The following LMOD1 variants were observed in gnomAD, a reference collection of about 807,000 sequenced individuals.
LMOD1 encodes leiomodin 1.
LMOD1 carries 8 observed loss-of-function variants against 36.5 expected under a neutral mutation model. The observed-to-expected ratio is 0.22, with a 90% CI of 0.13 to 0.40. The LOEUF is 0.40. Among genes scored for constraint, LMOD1 ranks in the 10% least tolerant of loss-of-function variants. The pLI, the probability that LMOD1 is intolerant of heterozygous loss-of-function variation, is 1.00. For missense variants in LMOD1, 630 were observed against 751.1 expected (o/e 0.84, Z 1.88); for synonymous variants, 284 against 288.7 (o/e 0.98, Z 0.17).
Position 201,899,718 on chromosome 1 carries a change from T to C in LMOD1, c.1295A>G (p.Lys432Arg). The C allele has an allele frequency of 6.2e-7, 1 of 1,614,040 alleles. No homozygotes were observed. Among genetic ancestry groups the C allele is most frequent in the Non-Finnish European group, 8.5e-7 (1 of 1,179,898 alleles). The change falls in exon 2 of 3, where the codon AAG becomes AGG. Residue 432 changes from lysine (K) to arginine (R), a missense_variant. Lys to Arg is a conservative substitution (Grantham distance 26). This residue lies in a region of LMOD1 where 81 missense variants were observed against 180.6 expected (regional missense o/e 0.45). Transcript: ENST00000367288. The surrounding 1 kb of genome is among the most constrained non-coding windows in gnomAD (Gnocchi z 6.3). ...CAGCTTGGCGATCTCCATCTCCGTC[T>C]TGCCTCCACAGATGTGTCGCTGGTT... is the stretch of plus-strand genomic sequence containing the variant. ...FHNQRHICGGKTEMEIAKLLK... is the reference protein window; with the variant it reads ...FHNQRHICGGRTEMEIAKLLK...
At chr1:201,921,756 C>G (rs558378376) in intron 1 of LMOD1, among the ~76,000 whole-genome samples, 2 of 151,680 alleles carry the variant, frequency 1.3e-5, no homozygotes, top group South Asian at 2.1e-4. Flanking sequence ...GTCAGGAGAT[C>G]GAGACCATCC....
chr1:201,938,586 C>CA (rs1252365029), intron 1 of LMOD1, among the ~76,000 whole-genome samples: 1 of 152,176 alleles, frequency 6.6e-6, no homozygotes, highest in Non-Finnish European at 1.5e-5. Flanking sequence ...AGTCTGCACT[C>CA]AGAGCTTCCC....
chr1:201,932,415 A>G (rs755988948), intron 1 of LMOD1, among the ~76,000 whole-genome samples: 1 of 152,082 alleles, frequency 6.6e-6, no homozygotes, highest in Non-Finnish European at 1.5e-5. Context: ...GAACACGCTG[A>G]AAAGGTTATA....
intron 1 of LMOD1, among the ~76,000 whole-genome samples, chr1:201,933,967 C>T (rs897311176): frequency 1.3e-5 from 2 of 152,146 alleles, no homozygotes; most frequent in East Asian, 1.9e-4. Context: ...GTTTGGCTTG[C>T]AAGTCCAGTG....
chr1:201,936,580 C>G (rs1313786703), intron 1 of LMOD1, among the ~76,000 whole-genome samples: 2 of 152,094 alleles, frequency 1.3e-5, no homozygotes, highest in Non-Finnish European at 2.9e-5. Flanking sequence ...CTTTGATGTT[C>G]CCTCTGCTTG....
chr1:201,924,379 GGGAAGGAAGGAA>G (rs1295447157), intron 1 of LMOD1, among the ~76,000 whole-genome samples: 2 of 94,432 alleles, frequency 2.1e-5, no homozygotes, highest in East Asian at 4.6e-4. Flanking sequence ...GAGGGAGGGA[GGGAAGGAAGGAA>G]GGAAGGAAGG....
chr1:201,900,505 T>C lies in LMOD1; in HGVS notation c.508A>G (p.Lys170Glu). Residue 170 changes from lysine (K) to glutamate (E), a missense_variant, in exon 2 of 3, where the codon AAG becomes GAG. Physicochemically the swap from Lys to Glu is moderately conservative, Grantham distance 56. Transcript: ENST00000367288. ...CCTCTCCCATCCTTCCCTGCCTCCT[T>C]CTTATCCACTGCAGCCCTGACCCGG... is the stretch of plus-strand genomic sequence containing the variant. ...KGRVRAAVDK[K>E]EAGKDGRGEE... The C allele has an allele frequency of 1.9e-6, 3 of 1,613,768 alleles. No individual in the cohort carries two copies. The highest frequency in any genetic ancestry group is 1.3e-5 in the African/African-American group (1 of 74,966).
intron 1 of LMOD1, among the ~76,000 whole-genome samples, chr1:201,936,584 C>G (rs910249250): frequency 3.3e-4 from 50 of 152,160 alleles, no homozygotes; most frequent in Admixed American, 2.0e-4. Context: ...GATGTTCCCT[C>G]TGCTTGGAAA....
chr1:201,945,094 G>T (rs1163573595), intron 1 of LMOD1, among the ~76,000 whole-genome samples: 4 of 151,130 alleles, frequency 2.6e-5, no homozygotes, highest in Admixed American at 2.6e-4. Flanking sequence ...CTAGAACAAA[G>T]ACTTGAACAA....
chr1:201,935,460 G>T (rs939550774), intron 1 of LMOD1, among the ~76,000 whole-genome samples: 1 of 151,900 alleles, frequency 6.6e-6, no homozygotes, highest in African/African-American at 2.4e-5. Flanking sequence ...CTTCTCTGCT[G>T]TTTCCCATGG....
In LMOD1 at chr1:201,946,177, G is replaced by C. The variant is rs772555355; in HGVS notation, c.164C>G (p.Thr55Arg). 11 of 1,613,932 alleles carry C rather than the reference G, an allele frequency of 6.8e-6. No homozygotes were observed. Among genetic ancestry groups the C allele is most frequent in the Non-Finnish European group, 9.3e-6 (11 of 1,179,880 alleles). Residue 55 changes from threonine (T) to arginine (R), a missense_variant, in exon 1 of 3, where the codon ACG becomes AGG. By Grantham distance (71) the Thr-to-Arg change is moderately conservative. Around this residue, in one of 3 missense-constraint regions of LMOD1, gnomAD observed 405 missense variants for 400.6 expected, o/e 1.01. Transcript: ENST00000367288. ...VPVGLRQRNQ[T>R]EKQSTGVYNR... Reference sequence around the variant, plus strand: ...GTACACACCCGTGGACTGTTTCTCCGTCTGGTTTCTCTGCCGCAGCCCCAC... The same window carrying C: ...GTACACACCCGTGGACTGTTTCTCCCTCTGGTTTCTCTGCCGCAGCCCCAC...
intron 1 of LMOD1, among the ~76,000 whole-genome samples, chr1:201,911,561 A>G (rs1386907583): frequency 6.6e-6 from 1 of 152,160 alleles, no homozygotes; most frequent in African/African-American, 2.4e-5. Context: ...GCTACCCGGG[A>G]GGCTGAAGCA....
At chr1:201,922,733 T>C (rs1236924223) in intron 1 of LMOD1, among the ~76,000 whole-genome samples, 1 of 149,666 alleles carries the variant, frequency 6.7e-6, no homozygotes, top group East Asian at 1.9e-4. Context: ...ATATATAATA[T>C]AATATATATA....
intron 1 of LMOD1, among the ~76,000 whole-genome samples, chr1:201,944,681 C>T (rs1204161994): frequency 6.6e-6 from 1 of 151,836 alleles, no homozygotes; most frequent in Non-Finnish European, 1.5e-5. Context: ...TTCCCTCCTT[C>T]CTCCCTCCTT....
chr1:201,900,997 C>T (rs1265159589), intron 1 of LMOD1, among the ~76,000 whole-genome samples: 2 of 152,114 alleles, frequency 1.3e-5, no homozygotes, highest in Non-Finnish European at 2.9e-5. Flanking sequence ...CAAACAAATA[C>T]CTGCAAAGGT....
chr1:201,939,443 G>A (rs1258551937), intron 1 of LMOD1, among the ~76,000 whole-genome samples: 6 of 152,146 alleles, frequency 3.9e-5, no homozygotes, highest in African/African-American at 1.4e-4. Flanking sequence ...CTTATTCCAA[G>A]TCACTGGATC....
chr1:201,929,080 CTTTATTTATTTGTTTA>C lies in LMOD1; in HGVS notation c.261+16984_261+16999del, dbSNP rs1357893345. Among the ~76,000 whole-genome samples the C allele has an allele frequency of 1.8e-4, 27 of 148,090 alleles. No homozygotes were observed. The South Asian group carries it at 3.0e-3, about 16-fold the overall frequency. On this transcript the variant is annotated intron_variant, in intron 1 of 2. Coordinates refer to ENST00000367288, the MANE Select transcript of LMOD1 (RefSeq NM_012134.3). Reference sequence around the variant, plus strand: ...TGTGGCCCCAGGGATCATAGGTGGACTTTATTTATTTGTTTATTTATTTATTTATTTATTTATTTAG... The same window carrying C: ...TGTGGCCCCAGGGATCATAGGTGGACTTTATTTATTTATTTATTTATTTAG...
intron 1 of LMOD1, among the ~76,000 whole-genome samples, chr1:201,930,145 T>C (rs941696431): frequency 1.3e-5 from 2 of 152,108 alleles, no homozygotes; most frequent in South Asian, 2.1e-4. Context: ...GCTTGAGAAA[T>C]AGGAAGGCAC....
rs367984937 is a variant in LMOD1, at chr1:201,900,281, C to T, written c.732G>A (p.Gly244=). 2.5e-6 allele frequency: 4 copies of T among 1,611,380 alleles called. No individual in the cohort carries two copies. In the African/African-American group the frequency reaches 5.3e-5, roughly 22 times the overall value. ...CATCCTCCTTTTTCATGTCTGTGTT[C>T]CCACCTGCTCTTTTCATCTTCTCAC... The part of the protein sequence containing the change: ...KEGEKMKRAG[G]NTDMKKEDEK... The change falls in exon 2 of 3, where the codon GGG becomes GGA. Residue 244 remains glycine, a synonymous_variant. Coordinates refer to ENST00000367288, the MANE Select transcript of LMOD1 (RefSeq NM_012134.3).
Sources: gnomAD v4.1 joint callset for allele counts (sites outside exome capture counted in the v4.1 genomes callset) on GRCh38, gnomAD v4.1.1 for gene constraint, gnomAD v4.1.1 regional missense constraint, Gnocchi (gnomAD v3.1) non-coding constraint, MANE v1.5 for transcripts, NCBI Gene and HGNC (gene_info 2026-07-23, HGNC 2026-07-21) for gene names.